Variants in NEXMIF observed in about 807,000 individuals in gnomAD.
The protein encoded by NEXMIF is XLMR protein related to neurite extension.
A neutral mutation model predicts 62.1 loss-of-function variants in NEXMIF; 8 were observed. The observed-to-expected ratio is 0.13, with a 90% CI of 0.08 to 0.23. The LOEUF is 0.23. Ranked by LOEUF, NEXMIF falls within the 10% of genes least tolerant of loss-of-function variation. The pLI, the probability that NEXMIF is intolerant of heterozygous loss-of-function variation, is 1.00. For missense variants in NEXMIF, 976 were observed against 1,113.3 expected (o/e 0.88, Z 1.75); for synonymous variants, 404 against 416.6 (o/e 0.97, Z 0.37).
intron 1 of NEXMIF, among the ~76,000 whole-genome samples, chrX:74,828,967 C>T (rs186084560): frequency 6.0e-3 from 675 of 111,812 alleles, no homozygotes; most frequent in Non-Finnish European, 9.3e-3. Flanking sequence ...ATACACCTTG[C>T]ACAGTTATCT....
At chrX:74,872,132 T>C (rs978922344) in intron 1 of NEXMIF, among the ~76,000 whole-genome samples, 1 of 111,246 alleles carries the variant, frequency 9.0e-6, no homozygotes, top group African/African-American at 3.3e-5. Context: ...GTCCATGAAA[T>C]CTTCAAAATT....
rs1234419427 is a variant in NEXMIF at position 74,740,516 on chromosome X, G to A, written c.4041C>T (p.His1347=). ...SIEPLWEPME[H]HGDPNIFYSP... Reference sequence around the variant, plus strand: ...AGTAGAATATGTTGGGATCCCCATGGTGCTCCATGGGTTCCCAAAGGGGCT... The same window carrying A: ...AGTAGAATATGTTGGGATCCCCATGATGCTCCATGGGTTCCCAAAGGGGCT... The change falls in exon 3 of 4, where the codon CAC becomes CAT. Residue 1347 remains histidine, a synonymous_variant. Transcript: ENST00000055682. 8.3e-7 allele frequency: 1 copy of A among 1,211,338 alleles called. No homozygotes were observed. Among genetic ancestry groups the A allele is most frequent in the Non-Finnish European group, 1.1e-6 (1 of 895,186 alleles).
At chrX:74,878,531 C>G (rs985723849) in intron 1 of NEXMIF, among the ~76,000 whole-genome samples, 1 of 112,762 alleles carries the variant, frequency 8.9e-6, no homozygotes, top group Non-Finnish European at 1.9e-5. Context: ...TTCAAGCTTC[C>G]TGGCTGCTTT....
intron 1 of NEXMIF, among the ~76,000 whole-genome samples, chrX:74,920,551 A>G (rs1050872097): frequency 2.7e-5 from 3 of 111,111 alleles, no homozygotes; most frequent in Non-Finnish European, 3.8e-5. Flanking sequence ...AGTAGGTTGC[A>G]AAAATTTTCT....
At position 74,764,596 on chromosome X, in the gene NEXMIF, C is replaced by T. The variant is rs141027897; in HGVS notation, c.-47-18899G>A. Reference sequence around the variant, plus strand: ...GAATTCGGCTATGAAGCCATCTGGTCCTGGACTTTTTTTGGTTGGTAGGGT... The same window carrying T: ...GAATTCGGCTATGAAGCCATCTGGTTCTGGACTTTTTTTGGTTGGTAGGGT... On this transcript the variant is annotated intron_variant, in intron 1 of 3. Transcript: ENST00000055682. Among the ~76,000 whole-genome samples the T allele has an allele frequency of 5.3e-4, 59 of 111,603 alleles. No individual in the cohort carries two copies. The East Asian group carries it at 0.016, about 30-fold the overall frequency.
chrX:74,795,786 G>A (rs1344534819), intron 1 of NEXMIF, among the ~76,000 whole-genome samples: 1 of 110,838 alleles, frequency 9.0e-6, no homozygotes, highest in Admixed American at 9.8e-5. Context: ...TAAGTGCACT[G>A]AGGAAGGGGG....
At chrX:74,883,771 A>G (rs773204376) in intron 1 of NEXMIF, among the ~76,000 whole-genome samples, 5 of 111,714 alleles carry the variant, frequency 4.5e-5, no homozygotes, top group African/African-American at 1.3e-4. Context: ...GCAGGCCAAC[A>G]TTCAAATACA....
At chrX:74,822,459 CA>C (rs2080400292) in intron 1 of NEXMIF, among the ~76,000 whole-genome samples, 1 of 112,055 alleles carries the variant, frequency 8.9e-6, no homozygotes, top group Non-Finnish European at 1.9e-5. Flanking sequence ...AAACAACTCA[CA>C]GAATGTAATA....
At chrX:74,799,506 G>A (rs777207146) in intron 1 of NEXMIF, among the ~76,000 whole-genome samples, 1 of 112,103 alleles carries the variant, frequency 8.9e-6, no homozygotes, top group Non-Finnish European at 1.9e-5. Context: ...GTAGCCCCAC[G>A]CTATTTACCA....
chrX:74,740,715 C>T lies in NEXMIF; in HGVS notation c.3842G>A (p.Gly1281Glu), dbSNP rs1213970754. ...MKMPSQKGLS[G>E]DWALGKESSP... ...GCTCTCCTTCCCCAAGGCCCAATCT[C>T]CAGAAAGTCCCTTTTGACTTGGCAT... is the stretch of plus-strand genomic sequence containing the variant. The change falls in exon 3 of 4, where the codon GGA (glycine) becomes GAA (glutamate). Residue 1281 changes from glycine (G) to glutamate (E), a missense_variant. Gly to Glu is a moderately conservative substitution (Grantham distance 98). Transcript: ENST00000055682. 1 of 1,212,167 alleles carries T rather than the reference C, an allele frequency of 8.2e-7. No individual in the cohort carries two copies. The highest frequency in any genetic ancestry group is 3.0e-5 in the East Asian group (1 of 33,839).
At chrX:74,774,542 T>C (rs1363588029) in intron 1 of NEXMIF, among the ~76,000 whole-genome samples, 3 of 112,337 alleles carry the variant, frequency 2.7e-5, no homozygotes, top group African/African-American at 9.7e-5. Flanking sequence ...TTGTCACTTA[T>C]GATACATCGT....
intron 1 of NEXMIF, among the ~76,000 whole-genome samples, chrX:74,787,886 C>T (rs534604139): frequency 1.8e-5 from 2 of 111,585 alleles, no homozygotes; most frequent in Admixed American, 1.9e-4. Flanking sequence ...TCAAACCTTC[C>T]TTTAAGCTTT....
intron 1 of NEXMIF, among the ~76,000 whole-genome samples, chrX:74,910,475 C>T (rs141920014): frequency 0.015 from 1,722 of 112,101 alleles, 35 homozygotes; most frequent in African/African-American, 0.054. Context: ...AAGTAACTAG[C>T]TTGCTTTTGA....
intron 1 of NEXMIF, among the ~76,000 whole-genome samples, chrX:74,788,420 A>T (rs181575134): frequency 9.0e-6 from 1 of 111,584 alleles, no homozygotes; most frequent in African/African-American, 3.3e-5. Flanking sequence ...CACATTATGT[A>T]TCTTAGGTTG....
intron 1 of NEXMIF, among the ~76,000 whole-genome samples, chrX:74,914,815 T>C (rs1279230507): frequency 8.9e-6 from 1 of 112,112 alleles, no homozygotes; most frequent in Non-Finnish European, 1.9e-5. Context: ...AATGATTAAA[T>C]AAATTGTGAT....
chrX:74,852,108 A>C (rs2080516562), intron 1 of NEXMIF, among the ~76,000 whole-genome samples: 1 of 111,680 alleles, frequency 9.0e-6, no homozygotes, highest in African/African-American at 3.3e-5. Context: ...ATTGAAAGTA[A>C]AGGGATGAAA....
At chrX:74,801,728 C>T (rs1187444121) in intron 1 of NEXMIF, among the ~76,000 whole-genome samples, 3 of 112,388 alleles carry the variant, frequency 2.7e-5, no homozygotes, top group African/African-American at 9.7e-5. Context: ...CCATCTTGCC[C>T]ACAGGGGCAT....
chrX:74,861,938 A>G (rs958833877), intron 1 of NEXMIF, among the ~76,000 whole-genome samples: 1 of 111,672 alleles, frequency 9.0e-6, no homozygotes, highest in African/African-American at 3.3e-5. Context: ...CTACATCAAC[A>G]AGTCTGCAAA....
intron 1 of NEXMIF, among the ~76,000 whole-genome samples, chrX:74,771,205 C>A (rs2080209192): frequency 9.0e-6 from 1 of 111,262 alleles, no homozygotes; most frequent in East Asian, 2.8e-4. Flanking sequence ...TGTACTTTGC[C>A]TTAGCCACCC....
Sources: allele counts gnomAD v4.1 joint callset (sites outside exome capture counted in the v4.1 genomes callset), GRCh38; gene constraint gnomAD v4.1.1; transcripts MANE v1.5; gene names NCBI Gene and HGNC (gene_info 2026-07-23, HGNC 2026-07-21).